SFXN5: variants seen among roughly 807,000 people sequenced by gnomAD.
SFXN5 encodes sideroflexin 5, also known as sideroflexin-5.
Under a neutral mutation model 50.2 loss-of-function variants are expected in SFXN5, and 43 were observed. That is an observed-to-expected ratio of 0.86 (90% CI 0.67 to 1.11). The LOEUF (loss-of-function observed/expected upper bound fraction) is 1.11, where lower values mean the gene tolerates loss of function less well. Among genes scored for constraint, SFXN5 ranks in the 50% least tolerant of loss-of-function variants. The probability of loss-of-function intolerance (pLI) is 0.00; values close to 1 mark genes in which losing one functional copy is unlikely to be tolerated. For synonymous variants in SFXN5, 203 were observed against 185.8 expected (o/e 1.09, Z -0.75); for missense variants, 463 against 454.1 (o/e 1.02, Z -0.18).
At chr2:73,006,030 C>T (rs150439975) in intron 6 of SFXN5, among the ~76,000 whole-genome samples, 1 of 152,202 alleles carries the variant, frequency 6.6e-6, no homozygotes, top group East Asian at 1.9e-4. Context: ...CTTTTTGGCT[C>T]TGCTTGGTCA....
intron 6 of SFXN5, among the ~76,000 whole-genome samples, chr2:73,016,023 T>G (rs61705137): frequency 2.9e-3 from 445 of 152,342 alleles, no homozygotes; most frequent in African/African-American, 0.01. Context: ...ATGTATTCAT[T>G]TCTTCTAAGT....
chr2:72,985,540 G>C (rs1243791995), intron 10 of SFXN5, among the ~76,000 whole-genome samples: 2 of 145,666 alleles, frequency 1.4e-5, no homozygotes, highest in Admixed American at 1.4e-4. Flanking sequence ...GATGGACATA[G>C]GGACTAGAGA....
At chr2:73,054,498 T>C (rs1433072724) in intron 2 of SFXN5, among the ~76,000 whole-genome samples, 2 of 150,450 alleles carry the variant, frequency 1.3e-5, no homozygotes, top group Non-Finnish European at 3.0e-5. Flanking sequence ...AGGAGGAGAG[T>C]AGTGAAATGA....
intron 2 of SFXN5, among the ~76,000 whole-genome samples, chr2:73,056,524 A>G (rs1002522660): frequency 1.3e-5 from 2 of 151,994 alleles, no homozygotes; most frequent in African/African-American, 4.8e-5. Flanking sequence ...CATCTCTACT[A>G]AAAATACAAA....
In SFXN5 at chr2:73,000,462, C is replaced by T. The variant is rs1458009183; in HGVS notation, c.437G>A (p.Cys146Tyr). 6.4e-7 allele frequency: 1 copy of T among 1,560,722 alleles called. No individual in the cohort carries two copies. The highest frequency in any genetic ancestry group is 8.7e-7 in the Non-Finnish European group (1 of 1,150,886). Residue 146 changes from cysteine to tyrosine, a missense_variant, in exon 8 of 14, where the codon TGT becomes TAT. Cys to Tyr is a radical substitution (Grantham distance 194). Transcript: ENST00000272433. ...WQWLNQSHNA[C>Y]VNYANRNATK... is the part of the protein sequence containing the mutation. ...CGCATTGCGGTTTGCATAGTTGACA[C>T]AGGCATTGTGGCTCTGGTTCAGCCA...
intron 1 of SFXN5, among the ~76,000 whole-genome samples, chr2:73,066,648 CA>C (rs1683199001): frequency 6.6e-6 from 1 of 151,684 alleles, no homozygotes; most frequent in Admixed American, 6.6e-5. Flanking sequence ...AAATCAACTA[CA>C]AATAAATTAA....
intron 13 of SFXN5, among the ~76,000 whole-genome samples, chr2:72,951,899 G>A (rs1005708386): frequency 3.3e-5 from 5 of 152,196 alleles, no homozygotes; most frequent in Non-Finnish European, 5.9e-5. Context: ...GCCTGGGACC[G>A]CTTTGTCCAC....
At chr2:73,034,023 A>G (rs896173640) in intron 3 of SFXN5, among the ~76,000 whole-genome samples, 5 of 152,284 alleles carry the variant, frequency 3.3e-5, no homozygotes, top group African/African-American at 1.2e-4. Context: ...AGGAACAAAC[A>G]ATGTCCTGTA....
rs112235366 is a variant in SFXN5 at position 73,007,732 on chromosome 2, A to C, written c.358-6154T>G. On this transcript the variant is annotated intron_variant, in intron 6 of 13. Transcript: ENST00000272433. The stretch of plus-strand genomic sequence containing the variant: ...TCCAAAATGTTCCTCTTTGTCATCC[A>C]CCATGGGCCGCAGTACCCCAACACA... Among the ~76,000 whole-genome samples, 282 of 152,076 alleles carry C rather than the reference A, an allele frequency of 1.9e-3. 2 individuals carry two copies. The highest frequency in any genetic ancestry group is 5.3e-3 in the African/African-American group (219 of 41,506).
intron 1 of SFXN5, among the ~76,000 whole-genome samples, chr2:73,067,341 A>T (rs1431021998): frequency 2.0e-5 from 3 of 152,238 alleles, no homozygotes; most frequent in African/African-American, 7.2e-5. Context: ...GACTAAATGT[A>T]ACATGTTCCT....
In SFXN5 at chr2:73,058,896, AAAGCTCCC is replaced by A. The variant is rs1682499037; in HGVS notation, c.103-308_103-301del. The stretch of plus-strand genomic sequence containing the variant: ...CCTGAGATCTATTCTGAGCCTATTA[AAAGCTCCC>A]AAGCATCCCTGGACATGTAGGCTGA... On this transcript the variant is annotated intron_variant, in intron 1 of 13. Transcript: ENST00000272433. 7.8e-6 allele frequency: 3 copies of A among 384,192 alleles called. No individual in the cohort carries two copies. In the South Asian group the frequency reaches 1.2e-4, roughly 16 times the overall value. The allele number at this position is 384,192 out of a possible 1,614,324, so 23.8% of individuals were successfully genotyped here. A position where few individuals can be genotyped will look rare whatever the true frequency, so the allele number is the denominator to read the frequency against.
intron 9 of SFXN5, chr2:72,994,964 TGTCCTACGA>T (rs1022243619): frequency 5.2e-5 from 8 of 152,670 alleles, no homozygotes; most frequent in Non-Finnish European, 7.3e-5. Flanking sequence ...CTCTCCATTC[TGTCCTACGA>T]GTCAGCCCTG....
intron 1 of SFXN5, among the ~76,000 whole-genome samples, chr2:73,065,678 T>C (rs1345238901): frequency 2.6e-5 from 4 of 152,208 alleles, no homozygotes; most frequent in African/African-American, 9.7e-5. Flanking sequence ...ATTACAGGCA[T>C]GAGTCACTGT....
intron 13 of SFXN5, among the ~76,000 whole-genome samples, chr2:72,959,647 T>C (rs758930850): frequency 6.6e-6 from 1 of 151,948 alleles, no homozygotes; most frequent in Non-Finnish European, 1.5e-5. Context: ...CTCTTCCACC[T>C]ACTGAAGTGG....
intron 3 of SFXN5, among the ~76,000 whole-genome samples, chr2:73,037,650 C>A (rs527760086): frequency 1.1e-4 from 16 of 152,046 alleles, no homozygotes; most frequent in African/African-American, 3.9e-4. Flanking sequence ...GAAAACAGAC[C>A]GCAAAGAATC....
intron 10 of SFXN5, among the ~76,000 whole-genome samples, chr2:72,977,695 T>C (rs10209859): frequency 0.34 from 51,335 of 151,902 alleles, 10,886 homozygotes; most frequent in African/African-American, 0.6. Context: ...AAACTCTAGG[T>C]GGGGTGTGGT....
At chr2:72,968,384 G>A (rs1170842623) in intron 12 of SFXN5, 64 bp downstream of exon 12, 2 of 1,503,292 alleles carry the variant, frequency 1.3e-6, no homozygotes, top group East Asian at 2.4e-5. Flanking sequence ...GGGCCAGCCG[G>A]TTCCCCCTCC....
intron 11 of SFXN5, among the ~76,000 whole-genome samples, chr2:72,969,760 C>G (rs1674931066): frequency 6.6e-6 from 1 of 150,718 alleles, no homozygotes; most frequent in African/African-American, 2.5e-5. Flanking sequence ...TGTCTCTTGG[C>G]TCTGGATGAG....
intron 3 of SFXN5, among the ~76,000 whole-genome samples, chr2:73,026,059 G>A (rs1002909189): frequency 2.0e-5 from 3 of 152,084 alleles, no homozygotes; most frequent in South Asian, 2.1e-4. Flanking sequence ...GGCTGGATTC[G>A]TGGACAGGCC....
Sources: allele counts gnomAD v4.1 joint callset (sites outside exome capture counted in the v4.1 genomes callset), GRCh38; gene constraint gnomAD v4.1.1; transcripts MANE v1.5; gene names NCBI Gene and HGNC (gene_info 2026-07-23, HGNC 2026-07-21).